ZEB2: variants seen among roughly 807,000 people sequenced by gnomAD.
ZEB2 encodes zinc finger E-box binding homeobox 2.
A neutral mutation model predicts 99.9 loss-of-function variants in ZEB2; 6 were observed. The ratio of observed to expected loss-of-function variants is 0.06; its 90% CI spans 0.03 to 0.12. The LOEUF (loss-of-function observed/expected upper bound fraction) is 0.12, where lower values mean the gene tolerates loss of function less well. Among genes scored for constraint, ZEB2 ranks in the 10% least tolerant of loss-of-function variants. ZEB2 has a pLI of 1.00. For missense variants in ZEB2, 969 were observed against 1,502.8 expected (o/e 0.64, Z 5.87); for synonymous variants, 517 against 542.5 (o/e 0.95, Z 0.65).
chr2:144,432,423 CCT>C (rs943875999), intron 2 of ZEB2, among the ~76,000 whole-genome samples: 2 of 152,170 alleles, frequency 1.3e-5, no homozygotes, highest in Admixed American at 6.6e-5. Context: ...TCTCCCAACC[CCT>C]TTTTAAATCC....
At chr2:144,437,919 G>C (rs757931469) in intron 2 of ZEB2, among the ~76,000 whole-genome samples, 1 of 152,128 alleles carries the variant, frequency 6.6e-6, no homozygotes, top group Admixed American at 6.5e-5. Context: ...AATTTTCTCT[G>C]ATTGTTTTAG....
chr2:144,490,085 C>A (rs1187171523), intron 2 of ZEB2, among the ~76,000 whole-genome samples: 3 of 152,114 alleles, frequency 2.0e-5, no homozygotes, highest in Non-Finnish European at 2.9e-5. Flanking sequence ...AGTAAGCAGA[C>A]AATGGGTTGG....
At chr2:144,514,673 T>C (rs1705100766) in intron 2 of ZEB2, among the ~76,000 whole-genome samples, 1 of 152,186 alleles carries the variant, frequency 6.6e-6, no homozygotes, top group African/African-American at 2.4e-5. Context: ...CATTGCTCGG[T>C]CAGATTAAAC....
At chr2:144,504,258 A>G (rs1704922089) in intron 2 of ZEB2, 1 of 152,114 alleles carries the variant, frequency 6.6e-6, no homozygotes, top group South Asian at 2.1e-4. Flanking sequence ...GTGAGAGCAA[A>G]CCCCCGGAGC....
intron 2 of ZEB2, among the ~76,000 whole-genome samples, chr2:144,490,853 C>T (rs1704667418): frequency 6.6e-6 from 1 of 152,172 alleles, no homozygotes; most frequent in Non-Finnish European, 1.5e-5. Context: ...AAATGGAAAA[C>T]AGCTATCACA....
At position 144,386,545 on chromosome 2, in the gene ZEB2, C is replaced by G. The variant is rs995643451; in HGVS notation, c.*2906G>C. On this transcript the variant is annotated 3_prime_UTR_variant, in exon 10 of 10. Coordinates refer to ENST00000627532, the MANE Select transcript of ZEB2 (RefSeq NM_014795.4). ...GGTAACAGGAGGGGCAAGGCAGGGT[C>G]TGCCCACCCTCCTCTACTTCGTGCA... 2.6e-5 allele frequency: 4 copies of G among 152,156 alleles called. No individual in the cohort carries two copies. Among genetic ancestry groups the G allele is most frequent in the African/African-American group, 9.7e-5 (4 of 41,430 alleles). 9.4% of individuals were successfully genotyped at this position (152,156 alleles called of 1,614,324 possible). A position where few individuals can be genotyped will look rare whatever the true frequency, so the allele number is the denominator to read the frequency against.
rs1394411332 is a variant in ZEB2, at chr2:144,429,962, A to G, written c.138T>C (p.Ile46=). The part of the protein sequence containing the change: ...SETDEEDKLH[I]AEDDGIANPL... ...GGTTGGCAATACCGTCATCCTCAGC[A>G]ATATGAAGCTTGTCTTCCTCATCTG... Residue 46 remains isoleucine (I), a synonymous_variant, in exon 3 of 10, where the codon ATT becomes ATC. Coordinates refer to ENST00000627532, the MANE Select transcript of ZEB2 (RefSeq NM_014795.4). The G allele has an allele frequency of 1.2e-6, 2 of 1,613,810 alleles. No homozygotes were observed. The highest frequency in any genetic ancestry group is 1.7e-6 in the Non-Finnish European group (2 of 1,179,902).
At chr2:144,400,341 A>G in intron 7 of ZEB2, 71 bp from the exon 8 acceptor site, 1 of 1,539,440 alleles carries the variant, frequency 6.5e-7, no homozygotes, top group South Asian at 1.1e-5. Flanking sequence ...TACCAAGAGA[A>G]GAATCTGTGA....
chr2:144,513,370 G>C (rs1223225253), intron 2 of ZEB2: 20 of 1,330,942 alleles, frequency 1.5e-5, no homozygotes, highest in Non-Finnish European at 2.0e-5. Flanking sequence ...GAGACCAAAG[G>C]CATTTGTAAA....
chr2:144,437,091 G>A (rs113291055), intron 2 of ZEB2, among the ~76,000 whole-genome samples: 2 of 152,036 alleles, frequency 1.3e-5, no homozygotes, highest in South Asian at 2.1e-4. Context: ...GCCCCTGACC[G>A]CTCCTTTCAT....
chr2:144,472,563 A>G (rs1450856286), intron 2 of ZEB2, among the ~76,000 whole-genome samples: 2 of 152,134 alleles, frequency 1.3e-5, no homozygotes, highest in Non-Finnish European at 2.9e-5. Context: ...CATCACAACA[A>G]TCCATTTTAC....
intron 2 of ZEB2, chr2:144,513,773 C>T (rs1478167708): frequency 7.2e-6 from 11 of 1,535,928 alleles, no homozygotes; most frequent in Admixed American, 2.0e-5. Context: ...TCTCCCGCTC[C>T]GAGTGCTCAT....
intron 2 of ZEB2, among the ~76,000 whole-genome samples, chr2:144,469,427 G>A (rs950527926): frequency 6.6e-6 from 1 of 152,074 alleles, no homozygotes; most frequent in African/African-American, 2.4e-5. Flanking sequence ...AGCCAGTACT[G>A]AGCATTGCAC....
At chr2:144,435,795 G>A (rs1425213353) in intron 2 of ZEB2, among the ~76,000 whole-genome samples, 1 of 152,034 alleles carries the variant, frequency 6.6e-6, no homozygotes, top group East Asian at 1.9e-4. Context: ...CTGAACCTTA[G>A]CCTTTATTCC....
intron 4 of ZEB2, among the ~76,000 whole-genome samples, chr2:144,410,104 G>T (rs1387309603): frequency 6.6e-6 from 1 of 151,870 alleles, no homozygotes; most frequent in Non-Finnish European, 1.5e-5. Flanking sequence ...GTAGAGACAG[G>T]GTTTCACCGT....
rs1383459443 is a variant in ZEB2, at chr2:144,517,322, G to C, written c.29C>G (p.Pro10Arg). Reference protein sequence around the residue: MKQPIMADGPRCKRRKQANP... With the variant: MKQPIMADGRRCKRRKQANP... ...GGCTTGTTTGCGCCTCTTGCACCGGGGGCCATCCGCCATGATCGGCTGCTT... is the reference window on the plus strand; with the variant it reads ...GGCTTGTTTGCGCCTCTTGCACCGGCGGCCATCCGCCATGATCGGCTGCTT... The change falls in exon 2 of 10, where the codon CCC becomes CGC. Residue 10 changes from proline to arginine, a missense_variant. By Grantham distance (103) the Pro-to-Arg change is moderately radical (BLOSUM62 -2). Coordinates refer to ENST00000627532, the MANE Select transcript of ZEB2 (RefSeq NM_014795.4). The C allele has an allele frequency of 6.2e-7, 1 of 1,613,552 alleles. No individual in the cohort carries two copies. The highest frequency in any genetic ancestry group is 1.1e-5 in the South Asian group (1 of 91,076).
At chr2:144,514,506 T>A (rs189780403) in intron 2 of ZEB2, 1 of 152,240 alleles carries the variant, frequency 6.6e-6, no homozygotes, top group African/African-American at 2.4e-5. Flanking sequence ...AAAAGTGACA[T>A]CTTTTCCATG....
chr2:144,513,291 G>A, intron 2 of ZEB2: 1 of 1,291,732 alleles, frequency 7.7e-7, no homozygotes, highest in Non-Finnish European at 1.0e-6. Flanking sequence ...TCTTCTGATT[G>A]TTTCTCCTCT....
At chr2:144,426,382 T>C (rs796102735) in intron 3 of ZEB2, 6 of 152,206 alleles carry the variant, frequency 3.9e-5, no homozygotes, top group Admixed American at 6.5e-5. Context: ...GATATAAATA[T>C]AGCTTTTGTG....
Sources: gnomAD v4.1 joint callset for allele counts (sites outside exome capture counted in the v4.1 genomes callset) on GRCh38, gnomAD v4.1.1 for gene constraint, MANE v1.5 for transcripts, NCBI Gene and HGNC (gene_info 2026-07-23, HGNC 2026-07-21) for gene names.